SCAPER: variants seen among roughly 807,000 people sequenced by gnomAD.
The protein encoded by SCAPER is S phase cyclin A-associated protein in the endoplasmic reticulum.
Under a neutral mutation model 182.2 loss-of-function variants are expected in SCAPER, and 98 were observed. The ratio of observed to expected loss-of-function variants is 0.54; its 90% CI spans 0.46 to 0.64. The LOEUF is 0.64. SCAPER is among the 30% of genes least tolerant of loss of function. The pLI, the probability that SCAPER is intolerant of heterozygous loss-of-function variation, is 0.00. For missense variants in SCAPER, 1,432 were observed against 1,690.0 expected (o/e 0.85, Z 2.68); for synonymous variants, 605 against 564.6 (o/e 1.07, Z -1.01).
intron 15 of SCAPER, among the ~76,000 whole-genome samples, chr15:76,750,726 A>G (rs1185361510): frequency 6.6e-6 from 1 of 151,906 alleles, no homozygotes; most frequent in African/African-American, 2.4e-5. Context: ...ATAAAAAACA[A>G]CAAACTAGGA....
At chr15:76,399,880 C>T (rs1462861606) in intron 27 of SCAPER, among the ~76,000 whole-genome samples, 3 of 152,008 alleles carry the variant, frequency 2.0e-5, no homozygotes, top group Non-Finnish European at 4.4e-5. Context: ...TGGCAAGCGC[C>T]TGTAATCCCA....
chr15:76,407,579 A>G (rs2044952546), intron 26 of SCAPER, among the ~76,000 whole-genome samples: 1 of 152,206 alleles, frequency 6.6e-6, no homozygotes, highest in South Asian at 2.1e-4. Context: ...ATATAGGCTC[A>G]TTATAGAAAT....
intron 23 of SCAPER, among the ~76,000 whole-genome samples, chr15:76,521,985 A>G (rs1422256541): frequency 6.6e-6 from 1 of 152,152 alleles, no homozygotes; most frequent in East Asian, 1.9e-4. Flanking sequence ...AATGCATTAT[A>G]CATTTTACTG....
At chr15:76,879,796 T>G (rs2073416684) in intron 2 of SCAPER, among the ~76,000 whole-genome samples, 1 of 152,130 alleles carries the variant, frequency 6.6e-6, no homozygotes, top group Non-Finnish European at 1.5e-5. Flanking sequence ...CCCCGAGACT[T>G]GGCCAGGATT....
chr15:76,702,504 G>A (rs539993648), intron 19 of SCAPER, among the ~76,000 whole-genome samples: 40 of 152,264 alleles, frequency 2.6e-4, no homozygotes, highest in Non-Finnish European at 5.1e-4. Context: ...ATGGAGTGCA[G>A]TGGCATGATC....
chr15:76,780,845 A>G (rs925613517), intron 8 of SCAPER, among the ~76,000 whole-genome samples: 8 of 151,790 alleles, frequency 5.3e-5, no homozygotes, highest in Admixed American at 3.9e-4. Context: ...ATCAACATCA[A>G]CAAAAAGGAC....
At chr15:76,795,177 G>A (rs959505910) in intron 8 of SCAPER, 103 bp downstream of exon 8, 10 of 1,030,630 alleles carry the variant, frequency 9.7e-6, no homozygotes, top group African/African-American at 8.2e-5. Flanking sequence ...TTAATATTAC[G>A]TATGTTGTAC....
At chr15:76,632,951 T>C (rs138129876) in intron 21 of SCAPER, among the ~76,000 whole-genome samples, 9 of 152,000 alleles carry the variant, frequency 5.9e-5, no homozygotes, top group Non-Finnish European at 1.0e-4. Context: ...AATTTTGTAT[T>C]TTTAATAGAG....
intron 1 of SCAPER, among the ~76,000 whole-genome samples, chr15:76,892,292 G>A (rs999844796): frequency 3.9e-5 from 6 of 152,120 alleles, no homozygotes; most frequent in African/African-American, 1.4e-4. Context: ...AACACCAAAA[G>A]CAATGGCAAC....
intron 2 of SCAPER, among the ~76,000 whole-genome samples, chr15:76,865,018 C>A (rs1480719986): frequency 6.6e-6 from 1 of 152,104 alleles, no homozygotes; most frequent in Non-Finnish European, 1.5e-5. Flanking sequence ...AGGATACTAT[C>A]CTATATCACT....
At chr15:76,457,107 G>A (rs1359168593) in intron 25 of SCAPER, among the ~76,000 whole-genome samples, 1 of 151,574 alleles carries the variant, frequency 6.6e-6, no homozygotes, top group African/African-American at 2.4e-5. Flanking sequence ...TGGTCACCCA[G>A]GCTGGAGTGC....
intron 23 of SCAPER, among the ~76,000 whole-genome samples, chr15:76,559,840 C>T (rs749278464): frequency 6.6e-6 from 1 of 152,114 alleles, no homozygotes; most frequent in Non-Finnish European, 1.5e-5. Context: ...ATCCCCATGA[C>T]ACAAAACTTA....
chr15:76,393,821 C>T (rs2043866834), intron 27 of SCAPER, among the ~76,000 whole-genome samples: 1 of 152,194 alleles, frequency 6.6e-6, no homozygotes, highest in Non-Finnish European at 1.5e-5. Context: ...AGCCACCATG[C>T]TGTGAGGAAG....
At chr15:76,411,408 T>C (rs1419700965) in intron 26 of SCAPER, among the ~76,000 whole-genome samples, 4 of 152,132 alleles carry the variant, frequency 2.6e-5, no homozygotes, top group African/African-American at 7.2e-5. Flanking sequence ...GCAAGTATAA[T>C]GCAAATACTC....
At chr15:76,500,701 T>C (rs1324136873) in intron 24 of SCAPER, among the ~76,000 whole-genome samples, 1 of 152,158 alleles carries the variant, frequency 6.6e-6, no homozygotes, top group Non-Finnish European at 1.5e-5. Context: ...TAAAAAGCTA[T>C]GATGAACCAC....
intron 23 of SCAPER, among the ~76,000 whole-genome samples, chr15:76,533,273 G>A (rs1303712517): frequency 6.6e-6 from 1 of 152,156 alleles, no homozygotes; most frequent in Admixed American, 6.5e-5. Flanking sequence ...TACACTTCAT[G>A]TGCCACATAA....
chr15:76,901,340 A>C (rs1327713580), intron 1 of SCAPER, among the ~76,000 whole-genome samples: 1 of 152,258 alleles, frequency 6.6e-6, no homozygotes, highest in African/African-American at 2.4e-5. Context: ...TGAATATGTC[A>C]ACCAAGTTAT....
intron 21 of SCAPER, among the ~76,000 whole-genome samples, chr15:76,636,850 T>C (rs765008889): frequency 2.6e-5 from 4 of 152,214 alleles, no homozygotes; most frequent in Non-Finnish European, 4.4e-5. Context: ...AACTATATTG[T>C]GGAGGTACGA....
chr15:76,522,464 T>C (rs2042906953), intron 23 of SCAPER, among the ~76,000 whole-genome samples: 1 of 151,672 alleles, frequency 6.6e-6, no homozygotes, highest in South Asian at 2.1e-4. Context: ...AAAGTAAAAC[T>C]GTGATACTCA....
Sources: gnomAD v4.1 joint callset for allele counts (sites outside exome capture counted in the v4.1 genomes callset) on GRCh38, gnomAD v4.1.1 for gene constraint, MANE v1.5 for transcripts, NCBI Gene and HGNC (gene_info 2026-07-23, HGNC 2026-07-21) for gene names.